Variants in PDE1B observed in about 807,000 individuals in gnomAD.
The protein encoded by PDE1B is dual specificity calcium/calmodulin-dependent 3',5'-cyclic nucleotide phosphodiesterase 1B.
In PDE1B, 13 loss-of-function variants were observed where a neutral mutation model predicts 66.7. That is an observed-to-expected ratio of 0.19 (90% CI 0.13 to 0.31). The LOEUF is 0.31. PDE1B is among the 10% of genes least tolerant of loss of function. The pLI is 1.00. For missense variants in PDE1B, 485 were observed against 682.3 expected (o/e 0.71, Z 3.22); for synonymous variants, 230 against 253.9 (o/e 0.91, Z 0.90).
chr12:54,549,878 G>A lies in PDE1B; in HGVS notation c.6G>A (p.Glu2=), dbSNP rs558427730. 3 of 1,613,316 alleles carry A rather than the reference G, an allele frequency of 1.9e-6. No homozygotes were observed. The African/African-American group carries it at 4.0e-5, about 22-fold the overall frequency. The change falls in exon 2 of 16, where the codon GAG becomes GAA. Residue 2 remains glutamate (E), a synonymous_variant. Transcript: ENST00000243052. M[E]LSPRSPPEML... The stretch of plus-strand genomic sequence containing the variant: ...TCCGTAGACCGTGGCTGAGCATGGA[G>A]CTGTCCCCCCGCAGTCCTCCGGAGA...
At chr12:54,558,638 C>G (rs761662078) in intron 2 of PDE1B, among the ~76,000 whole-genome samples, 28 of 152,152 alleles carry the variant, frequency 1.8e-4, no homozygotes, top group Non-Finnish European at 7.3e-5. Context: ...GCCTCTGCCT[C>G]CACTGCCTCC....
intron 5 of PDE1B, 134 bp from the exon 6 acceptor site, chr12:54,570,107 A>C (rs1347905059): frequency 4.6e-6 from 3 of 658,438 alleles, no homozygotes; most frequent in Non-Finnish European, 5.6e-6. Flanking sequence ...ATATATGGGA[A>C]GAAAGAGGCA....
chr12:54,573,393 T>G lies in PDE1B; in HGVS notation c.875T>G (p.Leu292Arg). The stretch of plus-strand genomic sequence containing the variant: ...ATCGTGTACAATGATCGTTCAGTGC[T>G]GGAGAATCACCACATCAGCTCTGTT... ...CAIVYNDRSV[L>R]ENHHISSVFR... Residue 292 changes from leucine to arginine, a missense_variant, in exon 9 of 16, where the codon CTG becomes CGG. Coordinates refer to ENST00000243052, the MANE Select transcript of PDE1B (RefSeq NM_000924.4). This position sits in a 1 kb window ranked among gnomAD's most constrained non-coding sequence, Gnocchi z 5.2. The G allele has an allele frequency of 6.2e-7, 1 of 1,614,136 alleles. No homozygotes were observed. The highest frequency in any genetic ancestry group is 1.1e-5 in the South Asian group (1 of 91,082).
Position 54,570,238 on chromosome 12 carries a change from T to C in PDE1B, c.478-3T>C, listed in dbSNP as rs764225137. 14 of 1,585,422 alleles carry C rather than the reference T, an allele frequency of 8.8e-6. No individual in the cohort carries two copies. Among genetic ancestry groups the C allele is most frequent in the Non-Finnish European group, 1.1e-5 (13 of 1,153,818 alleles). ...AGCCACATAATCTATTGTTTCTCCA[T>C]AGAACCTGGATCTCTGGTGCTTTGA... On this transcript the variant is annotated splice_region_variant and splice_polypyrimidine_tract_variant and intron_variant, in intron 5 of 15. Coordinates refer to ENST00000243052, the MANE Select transcript of PDE1B (RefSeq NM_000924.4).
At chr12:54,563,009 T>C (rs928687701) in intron 2 of PDE1B, among the ~76,000 whole-genome samples, 1 of 152,228 alleles carries the variant, frequency 6.6e-6, no homozygotes, top group African/African-American at 2.4e-5. Flanking sequence ...GGCTCACTGT[T>C]ATTTTTAGAA....
chr12:54,551,334 C>G (rs557892759), intron 2 of PDE1B, among the ~76,000 whole-genome samples: 2 of 152,322 alleles, frequency 1.3e-5, no homozygotes, highest in African/African-American at 4.8e-5. Flanking sequence ...TCCAAATGTA[C>G]TTCTCAGTCC....
rs543402970 is a variant in PDE1B at position 54,560,424 on chromosome 12, C to T, written c.114-6550C>T. Among the ~76,000 whole-genome samples the T allele has an allele frequency of 5.9e-5, 9 of 152,310 alleles. No homozygotes were observed. In the South Asian group the frequency reaches 1.4e-3, roughly 25 times the overall value. On this transcript the variant is annotated intron_variant, in intron 2 of 15. Transcript: ENST00000243052. Reference sequence around the variant, plus strand: ...TTCCTTTTCCTCTTTACCACATCACCCGCAGCCATAGACCTACATCTAAGA... The same window carrying T: ...TTCCTTTTCCTCTTTACCACATCACTCGCAGCCATAGACCTACATCTAAGA...
At chr12:54,560,922 GC>G (rs1459164400) in intron 2 of PDE1B, among the ~76,000 whole-genome samples, 1 of 152,094 alleles carries the variant, frequency 6.6e-6, no homozygotes, top group African/African-American at 2.4e-5. Flanking sequence ...CGGGTGGAGG[GC>G]CCTTCCCTCC....
rs1957645007 is a variant in PDE1B, at chr12:54,573,032, A to T, written c.736-116A>T. On this transcript the variant is annotated intron_variant, in intron 7 of 15. Coordinates refer to ENST00000243052, the MANE Select transcript of PDE1B (RefSeq NM_000924.4). This position sits in a 1 kb window ranked among gnomAD's most constrained non-coding sequence, Gnocchi z 5.2. ...GAGAAACCTGGCTGCATTAACCAAG[A>T]GCTGGCCTGGAAGCATGGAAGGGAT... 3 of 812,466 alleles carry T rather than the reference A, an allele frequency of 3.7e-6. No individual in the cohort carries two copies. The East Asian group carries it at 7.4e-5, about 20-fold the overall frequency. The allele number at this position is 812,466 out of a possible 1,614,324, so 50.3% of individuals were successfully genotyped here. A position where few individuals can be genotyped will look rare whatever the true frequency, so the allele number is the denominator to read the frequency against.
intron 3 of PDE1B, among the ~76,000 whole-genome samples, chr12:54,567,855 TA>T (rs1957543348): frequency 1.4e-5 from 2 of 142,704 alleles, no homozygotes; most frequent in African/African-American, 5.1e-5. Flanking sequence ...CATATATATA[TA>T]TATATATTTT....
intron 6 of PDE1B, chr12:54,572,266 T>C (rs1252396197): frequency 3.0e-5 from 6 of 197,054 alleles, no homozygotes; most frequent in Non-Finnish European, 2.1e-5. Context: ...TTCTTTCATT[T>C]TCTTTGAAAT....
chr12:54,550,357 C>T (rs1592360426), intron 2 of PDE1B, among the ~76,000 whole-genome samples: 2 of 152,202 alleles, frequency 1.3e-5, no homozygotes, highest in East Asian at 3.8e-4. Context: ...CAGATGTGAG[C>T]CACATGACAT....
At chr12:54,576,266 A>G (rs1320352527) in intron 13 of PDE1B, 166 bp downstream of exon 13, 2 of 638,406 alleles carry the variant, frequency 3.1e-6, no homozygotes, top group African/African-American at 3.6e-5. Flanking sequence ...GGATGGGATC[A>G]GAAGGGTGTG....
chr12:54,572,637 T>C lies in PDE1B; in HGVS notation c.631T>C (p.Leu211=), dbSNP rs1434977316. 1 of 1,613,990 alleles carries C rather than the reference T, an allele frequency of 6.2e-7. No homozygotes were observed. Among genetic ancestry groups the C allele is most frequent in the South Asian group, 1.1e-5 (1 of 91,072 alleles). ...TVFLMSFLDA[L]ETGYGKYKNP... ...GTTTTTGATGAGTTTCCTGGATGCC[T>C]TGGAGACAGGCTATGGGAAGTACAA... Residue 211 remains leucine (L), a synonymous_variant, in exon 7 of 16, where the codon TTG becomes CTG. Transcript: ENST00000243052.
At chr12:54,574,877 A>T (rs1253606086) in intron 10 of PDE1B, 1 of 375,330 alleles carries the variant, frequency 2.7e-6, no homozygotes. Context: ...CGGGAGGCTG[A>T]GGTGGGAGAA....
At chr12:54,561,119 G>A (rs1314658781) in intron 2 of PDE1B, among the ~76,000 whole-genome samples, 2 of 152,118 alleles carry the variant, frequency 1.3e-5, no homozygotes, top group African/African-American at 4.8e-5. Flanking sequence ...AATCTGCTTA[G>A]CTCCTTTTGG....
intron 2 of PDE1B, among the ~76,000 whole-genome samples, chr12:54,552,922 T>A (rs1162266151): frequency 2.0e-5 from 3 of 152,188 alleles, no homozygotes; most frequent in East Asian, 3.8e-4. Flanking sequence ...TAGAAATGAT[T>A]TTCTGTGTCT....
intron 2 of PDE1B, chr12:54,554,226 A>G (rs1406534381): frequency 6.6e-6 from 1 of 152,120 alleles, no homozygotes; most frequent in East Asian, 1.9e-4. Context: ...GGCCCCATGG[A>G]GTGATCTTCT....
chr12:54,565,491 T>A (rs1957497976), intron 2 of PDE1B, among the ~76,000 whole-genome samples: 1 of 152,218 alleles, frequency 6.6e-6, no homozygotes, highest in South Asian at 2.1e-4. Flanking sequence ...ATATCTCGCC[T>A]CTATTCCTCC....
Sources: gnomAD v4.1 joint callset for allele counts (sites outside exome capture counted in the v4.1 genomes callset) on GRCh38, gnomAD v4.1.1 for gene constraint, Gnocchi (gnomAD v3.1) non-coding constraint, MANE v1.5 for transcripts, NCBI Gene and HGNC (gene_info 2026-07-23, HGNC 2026-07-21) for gene names.